DET1: variants seen among roughly 807,000 people sequenced by gnomAD.
DET1 encodes DET1 partner of COP1 E3 ubiquitin ligase, also known as DET1 homolog.
DET1 carries 22 observed loss-of-function variants against 43.7 expected under a neutral mutation model. That is an observed-to-expected ratio of 0.50 (90% CI 0.36 to 0.72). The LOEUF (loss-of-function observed/expected upper bound fraction) is 0.72. Ranked by LOEUF, DET1 falls within the 30% of genes least tolerant of loss-of-function variation. The pLI is 0.00. For missense variants in DET1, 713 were observed against 713.3 expected (o/e 1.00, Z 0.00); for synonymous variants, 315 against 266.2 (o/e 1.18, Z -1.79).
At position 88,531,257 on chromosome 15, in the gene DET1, T is replaced by C; in HGVS notation, c.449A>G (p.Asp150Gly). The C allele has an allele frequency of 6.2e-7, 1 of 1,613,776 alleles. No homozygotes were observed. Among genetic ancestry groups the C allele is most frequent in the Non-Finnish European group, 8.5e-7 (1 of 1,179,814 alleles). The change falls in exon 2 of 5, where the codon GAC becomes GGC. Residue 150 changes from aspartate (D) to glycine (G), a missense_variant. Physicochemically the swap from Asp to Gly is moderately conservative, Grantham distance 94. Transcript: ENST00000268148. This position sits in a 1 kb window ranked among gnomAD's most constrained non-coding sequence, Gnocchi z 6.2. ...LNRECSLFTD[D>G]CRCVIVGSAA... Reference sequence around the variant, plus strand: ...TGAGCCCACGATGACACAGCGGCAGTCATCAGTGAAGAGACTACACTCCCG... The same window carrying C: ...TGAGCCCACGATGACACAGCGGCAGCCATCAGTGAAGAGACTACACTCCCG...
chr15:88,520,512 T>G (rs2056462045), intron 3 of DET1, among the ~76,000 whole-genome samples: 2 of 152,186 alleles, frequency 1.3e-5, no homozygotes, highest in South Asian at 4.1e-4. Flanking sequence ...CTATGAGATA[T>G]CTCTACTTAC....
chr15:88,536,202 G>A (rs1451699543), intron 1 of DET1: 1 of 664,310 alleles, frequency 1.5e-6, no homozygotes, highest in Admixed American at 2.4e-5. Context: ...AGCTAAAATA[G>A]TACCTCCTCA....
intron 1 of DET1, among the ~76,000 whole-genome samples, chr15:88,544,145 C>A (rs2057184598): frequency 6.6e-6 from 1 of 152,218 alleles, no homozygotes; most frequent in African/African-American, 2.4e-5. Flanking sequence ...CACCTGCCTT[C>A]ACCTCGTCCA....
rs1488637974 is a variant in DET1 at position 88,504,334 on chromosome 15, GTT to G, written c.*2066-349_*2066-348del. ...AGTGGCACATCATCACTTCTACTGT[GTT>G]TTATTGGTCATGCCAATCAACCATG... On this transcript the variant is annotated intron_variant and NMD_transcript_variant, in intron 7 of 8. Coordinates refer to the DET1 transcript ENST00000557842. This position sits in a 1 kb window ranked among gnomAD's most constrained non-coding sequence, Gnocchi z 4.7. 1 of 152,138 alleles carries G rather than the reference GTT, an allele frequency of 6.6e-6. No homozygotes were observed. Among genetic ancestry groups the G allele is most frequent in the East Asian group, 1.9e-4 (1 of 5,186 alleles). The allele number at this position is 152,138 out of a possible 1,614,324, so 9.4% of individuals were successfully genotyped here.
At chr15:88,530,499 C>G (rs2056781035) in intron 2 of DET1, 124 bp downstream of exon 2, 1 of 1,458,756 alleles carries the variant, frequency 6.9e-7, no homozygotes, top group African/African-American at 1.4e-5. Flanking sequence ...AGTTTGGGCC[C>G]TAGGATATCA....
chr15:88,541,599 T>C (rs1027825680), intron 1 of DET1, among the ~76,000 whole-genome samples: 4 of 152,086 alleles, frequency 2.6e-5, no homozygotes, highest in African/African-American at 4.8e-5. Flanking sequence ...ATGGCCAAGG[T>C]TTGGAGTTGG....
intron 1 of DET1, among the ~76,000 whole-genome samples, chr15:88,538,321 C>G (rs1284670034): frequency 6.6e-6 from 1 of 151,044 alleles, no homozygotes; most frequent in African/African-American, 2.4e-5. Context: ...GCTATATCCA[C>G]AGTCCCCAAG....
intron 1 of DET1, among the ~76,000 whole-genome samples, chr15:88,539,488 ACTGTTTACCTGCC>A (rs2057045707): frequency 6.6e-6 from 1 of 151,010 alleles, no homozygotes; most frequent in South Asian, 2.1e-4. Context: ...AACTGTCAAA[ACTGTTTACCTGCC>A]CTAGGGTCAA....
intron 1 of DET1, chr15:88,536,317 T>C (rs2056948470): frequency 2.6e-6 from 2 of 778,836 alleles, no homozygotes; most frequent in Admixed American, 1.7e-5. Context: ...TTTACCTTTT[T>C]AGTATCTGTC....
intron 1 of DET1, among the ~76,000 whole-genome samples, chr15:88,540,037 G>A (rs559113375): frequency 5.3e-5 from 8 of 152,096 alleles, no homozygotes; most frequent in Non-Finnish European, 1.0e-4. Flanking sequence ...AAAATGACCT[G>A]AGTGGTCCCT....
At chr15:88,519,234 T>C (rs2056426384) in intron 3 of DET1, among the ~76,000 whole-genome samples, 1 of 152,156 alleles carries the variant, frequency 6.6e-6, no homozygotes, top group Admixed American at 6.5e-5. Flanking sequence ...TCCCCACTGA[T>C]TAAAAGCAGT....
chr15:88,505,463 C>T (rs995736854), intron 7 of DET1: 1 of 152,218 alleles, frequency 6.6e-6, no homozygotes, highest in Admixed American at 6.5e-5. Context: ...CACTGCTCTG[C>T]CTTTCTGAGT....
Position 88,512,723 on chromosome 15 carries a change from AG to A in DET1, c.*227del. The A allele has an allele frequency of 8.0e-7, 1 of 1,255,222 alleles. No individual in the cohort carries two copies. Among genetic ancestry groups the A allele is most frequent in the African/African-American group, 1.5e-5 (1 of 65,754 alleles). 77.8% of individuals were successfully genotyped at this position (1,255,222 alleles called of 1,614,324 possible). On this transcript the variant is annotated 3_prime_UTR_variant, in exon 5 of 5. Transcript: ENST00000268148. The stretch of plus-strand genomic sequence containing the variant: ...CTTAATTAATGCTGGGCATTCCCAC[AG>A]GGAAAACGCAAGAGGATATTATAAC...
chr15:88,537,220 A>G (rs1384988495), intron 1 of DET1, among the ~76,000 whole-genome samples: 1 of 152,202 alleles, frequency 6.6e-6, no homozygotes, highest in Non-Finnish European at 1.5e-5. Context: ...TTGCAATGGT[A>G]AGCACTGTTT....
chr15:88,521,612 T>C (rs2056491746), intron 3 of DET1, among the ~76,000 whole-genome samples: 1 of 152,182 alleles, frequency 6.6e-6, no homozygotes, highest in Admixed American at 6.5e-5. Flanking sequence ...GAGGTAATCT[T>C]TTCAGACTTC....
intron 3 of DET1, among the ~76,000 whole-genome samples, chr15:88,527,051 G>C (rs2056681601): frequency 6.6e-6 from 1 of 152,170 alleles, no homozygotes; most frequent in African/African-American, 2.4e-5. Context: ...GGTATGCTAA[G>C]TCAGTTCTCA....
At chr15:88,523,356 A>G (rs1418435408) in intron 3 of DET1, among the ~76,000 whole-genome samples, 4 of 152,118 alleles carry the variant, frequency 2.6e-5, no homozygotes, top group African/African-American at 7.2e-5. Context: ...AAAGATTACT[A>G]TAAAATTTAG....
At chr15:88,534,108 G>A (rs1367921411) in intron 1 of DET1, among the ~76,000 whole-genome samples, 2 of 151,998 alleles carry the variant, frequency 1.3e-5, no homozygotes, top group Non-Finnish European at 2.9e-5. Context: ...TAAATGTTAG[G>A]CTATTTTAAA....
chr15:88,542,468 G>A (rs892261504), intron 1 of DET1, among the ~76,000 whole-genome samples: 6 of 152,080 alleles, frequency 3.9e-5, no homozygotes, highest in East Asian at 3.9e-4. Flanking sequence ...GAGGCTTATC[G>A]CATTTATACT....
Sources: allele counts gnomAD v4.1 joint callset (sites outside exome capture counted in the v4.1 genomes callset), GRCh38; gene constraint gnomAD v4.1.1; non-coding constraint Gnocchi (gnomAD v3.1); transcripts MANE v1.5; gene names NCBI Gene and HGNC (gene_info 2026-07-23, HGNC 2026-07-21).